Variants in SH3BP2 observed in about 807,000 individuals in gnomAD.
SH3BP2 encodes the protein SH3 domain binding protein 2.
Under a neutral mutation model 56.2 loss-of-function variants are expected in SH3BP2, and 38 were observed. That is an observed-to-expected ratio of 0.68 (90% confidence interval 0.52 to 0.89). SH3BP2 has a LOEUF of 0.89. SH3BP2 is among the 40% of genes least tolerant of loss of function. SH3BP2 has a pLI of 0.00. For synonymous variants in SH3BP2, 346 were observed against 316.7 expected, an observed-to-expected ratio of 1.09 and a Z score of -0.98; for missense variants, 748 against 762.6, an observed-to-expected ratio of 0.98 and a Z score of 0.23.
At chr4:2,803,984 G>C (rs1161672161) in intron 1 of SH3BP2, among the ~76,000 whole-genome samples, 1 of 152,134 alleles carries the variant, frequency 6.6e-6, no homozygotes, top group African/African-American at 2.4e-5. Flanking sequence ...TGCCTCCCCT[G>C]TGCCCGATAC....
At chr4:2,833,177 C>A in intron 12 of SH3BP2, 128 bp downstream of exon 12, 2 of 827,418 alleles carry the variant, frequency 2.4e-6, no homozygotes, top group Admixed American at 3.8e-5. Flanking sequence ...CCGCCCTCCC[C>A]TTCCCCTCCA....
intron 1 of SH3BP2, among the ~76,000 whole-genome samples, chr4:2,797,787 T>A (rs1723111278): frequency 6.6e-6 from 1 of 152,070 alleles, no homozygotes; most frequent in Admixed American, 6.5e-5. Context: ...CGTGGGCCTG[T>A]CCCAGAGGAA....
Position 2,831,493 on chromosome 4 carries a change from A to C in SH3BP2, c.1242-78A>C, listed in dbSNP as rs1202068541. The C allele has an allele frequency of 9.6e-7, 1 of 1,038,826 alleles. No individual in the cohort carries two copies. Among genetic ancestry groups the C allele is most frequent in the Non-Finnish European group, 1.5e-6 (1 of 679,592 alleles). The allele number at this position is 1,038,826 out of a possible 1,614,324, so 64.4% of individuals were successfully genotyped here. A position where few individuals can be genotyped will look rare whatever the true frequency, so the allele number is the denominator to read the frequency against. ...CTTGCCGTCCTCACACAGAGGGTGG[A>C]GTGGGGAGGGGAGCAGAGGGTGGCC... On this transcript the variant is annotated intron_variant, in intron 8 of 12. Transcript: ENST00000503393. This position sits in a 1 kb window ranked among gnomAD's most constrained non-coding sequence, Gnocchi z 4.1.
chr4:2,796,439 G>C (rs1397905556), intron 1 of SH3BP2: 1 of 985,422 alleles, frequency 1.0e-6, no homozygotes. Flanking sequence ...CCCGATCACA[G>C]ATCGTGCTGG....
chr4:2,840,872 TA>T lies in SH3BP2; in HGVS notation c.*7040del, dbSNP rs1400776475. Reference sequence around the variant, plus strand: ...CCTCTCTTTCCATTTGGGTCTTCTTTAAGGTTTACCAATAGGATTTTATATT... The same window carrying T: ...CCTCTCTTTCCATTTGGGTCTTCTTTAGGTTTACCAATAGGATTTTATATT... On this transcript the variant is annotated 3_prime_UTR_variant, in exon 13 of 13. Transcript: ENST00000503393. The T allele has an allele frequency of 6.6e-6, 1 of 152,250 alleles. No homozygotes were observed. Among genetic ancestry groups the T allele is most frequent in the Admixed American group, 6.5e-5 (1 of 15,284 alleles). The allele number at this position is 152,250 out of a possible 1,614,324, so 9.4% of individuals were successfully genotyped here.
At position 2,832,385 on chromosome 4, in the gene SH3BP2, C is replaced by T. The variant is rs1278262490; in HGVS notation, c.1461C>T (p.Ile487=). 12 of 1,614,112 alleles carry T rather than the reference C, an allele frequency of 7.4e-6. No individual in the cohort carries two copies. In the Middle Eastern group the frequency reaches 5.0e-4, roughly 67 times the overall value. The change falls in exon 11 of 13, where the codon ATC becomes ATT. Residue 487 remains isoleucine (I), a synonymous_variant. Coordinates refer to ENST00000503393, the MANE Select transcript of SH3BP2 (RefSeq NM_001122681.2). ...AGCCCCAGGATGGACTCTACTGCATCCGGAACTCCTCTACCAAGTCGGGGA... is the reference window on the plus strand; with the variant it reads ...AGCCCCAGGATGGACTCTACTGCATTCGGAACTCCTCTACCAAGTCGGGGA... ...RGEPQDGLYC[I]RNSSTKSGKV...
chr4:2,823,913 G>A (rs1490585930), intron 3 of SH3BP2, among the ~76,000 whole-genome samples: 3 of 152,180 alleles, frequency 2.0e-5, no homozygotes, highest in South Asian at 4.1e-4. Flanking sequence ...ACAGAGCTCC[G>A]GGGTCCCCTG....
intron 1 of SH3BP2, among the ~76,000 whole-genome samples, chr4:2,799,958 A>G (rs1723193879): frequency 1.3e-5 from 2 of 151,370 alleles, no homozygotes; most frequent in African/African-American, 4.9e-5. Context: ...TTTCAAGCTT[A>G]CTCTGGGGTC....
chr4:2,801,112 G>A (rs373775279), intron 1 of SH3BP2, among the ~76,000 whole-genome samples: 21 of 152,310 alleles, frequency 1.4e-4, no homozygotes, highest in Admixed American at 1.2e-3. Context: ...TGTCTTGACC[G>A]CGGAGGACCG....
At position 2,830,211 on chromosome 4, in the gene SH3BP2, C is replaced by T. The variant is rs576964036; in HGVS notation, c.1241+64C>T. 1.7e-5 allele frequency: 25 copies of T among 1,464,148 alleles called. 3 individuals are homozygous for T. Among genetic ancestry groups the T allele is most frequent in the African/African-American group, 1.1e-4 (8 of 71,712 alleles). 90.7% of individuals were successfully genotyped at this position (1,464,148 alleles called of 1,614,324 possible). Reference sequence around the variant, plus strand: ...ACAGGGACCCTGGCCTGGCCTCTGACGGGCACTCTGCCCACCTCGCTCCCC... The same window carrying T: ...ACAGGGACCCTGGCCTGGCCTCTGATGGGCACTCTGCCCACCTCGCTCCCC... On this transcript the variant is annotated intron_variant, in intron 8 of 12. Coordinates refer to ENST00000503393, the MANE Select transcript of SH3BP2 (RefSeq NM_001122681.2).
chr4:2,822,870 C>T (rs1724383425), intron 2 of SH3BP2, 65 bp from the exon 3 acceptor site: 1 of 1,251,570 alleles, frequency 8.0e-7, no homozygotes, highest in African/African-American at 1.5e-5. Flanking sequence ...TGTGGAGGGT[C>T]CTCACAGTGG....
At chr4:2,804,247 C>T (rs1723440324) in intron 1 of SH3BP2, among the ~76,000 whole-genome samples, 1 of 152,330 alleles carries the variant, frequency 6.6e-6, no homozygotes, top group Non-Finnish European at 1.5e-5. Context: ...TGGACCCCGC[C>T]CTCTGTGCAG....
intron 1 of SH3BP2, among the ~76,000 whole-genome samples, chr4:2,807,955 C>G (rs1004497075): frequency 7.9e-5 from 12 of 152,188 alleles, no homozygotes; most frequent in Admixed American, 7.8e-4. Flanking sequence ...TGGAGCCTGT[C>G]TCTCCCTGAC....
At position 2,824,843 on chromosome 4, in the gene SH3BP2, C is replaced by T. The variant is rs1303994177; in HGVS notation, c.357+113C>T. ...TCCTGGGGCGCTGGCCTCTCAGCCC[C>T]GGGCAAAGAGAAGGTGTGGCTGGGA... On this transcript the variant is annotated intron_variant, in intron 4 of 12. Coordinates refer to ENST00000503393, the MANE Select transcript of SH3BP2 (RefSeq NM_001122681.2). 91 of 850,714 alleles carry T rather than the reference C, an allele frequency of 1.1e-4. 1 individual carries two copies. The South Asian group carries it at 1.2e-3, about 11-fold the overall frequency. 52.7% of individuals were successfully genotyped at this position (850,714 alleles called of 1,614,324 possible). A position where few individuals can be genotyped will look rare whatever the true frequency, so the allele number is the denominator to read the frequency against.
intron 1 of SH3BP2, among the ~76,000 whole-genome samples, chr4:2,803,466 C>T (rs548794722): frequency 3.4e-4 from 52 of 152,300 alleles, no homozygotes; most frequent in African/African-American, 1.2e-3. Flanking sequence ...CTGGTTTGGT[C>T]CTCAGAGTCC....
At chr4:2,824,762 G>A in intron 4 of SH3BP2, 32 bp downstream of exon 4, 1 of 1,513,920 alleles carries the variant, frequency 6.6e-7, no homozygotes, top group Non-Finnish European at 9.2e-7. Flanking sequence ...AGTGCAAGGT[G>A]ACTGGGGGTG....
chr4:2,838,803 G>C lies in SH3BP2; in HGVS notation c.*4969G>C, dbSNP rs1725320353. ...GTTTGGGGTAACTACACACAATGCT[G>C]CTAGCAACAGTTTTGTCCATGTCTC... On this transcript the variant is annotated 3_prime_UTR_variant, in exon 13 of 13. Coordinates refer to ENST00000503393, the MANE Select transcript of SH3BP2 (RefSeq NM_001122681.2). 6.6e-6 allele frequency: 1 copy of C among 152,134 alleles called. No individual in the cohort carries two copies. Among genetic ancestry groups the C allele is most frequent in the Non-Finnish European group, 1.5e-5 (1 of 68,026 alleles). 9.4% of individuals were successfully genotyped at this position (152,134 alleles called of 1,614,324 possible). A position where few individuals can be genotyped will look rare whatever the true frequency, so the allele number is the denominator to read the frequency against.
At chr4:2,803,747 C>G (rs557784566) in intron 1 of SH3BP2, among the ~76,000 whole-genome samples, 1 of 152,302 alleles carries the variant, frequency 6.6e-6, no homozygotes, top group East Asian at 1.9e-4. Context: ...TTTGCACAAG[C>G]TATGCTCTGT....
chr4:2,834,042 G>C lies in SH3BP2; in HGVS notation c.*208G>C. 1 of 610,654 alleles carries C rather than the reference G, an allele frequency of 1.6e-6. No individual in the cohort carries two copies. The highest frequency in any genetic ancestry group is 2.8e-5 in the East Asian group (1 of 35,744). 37.8% of individuals were successfully genotyped at this position (610,654 alleles called of 1,614,324 possible). A position where few individuals can be genotyped will look rare whatever the true frequency, so the allele number is the denominator to read the frequency against. On this transcript the variant is annotated 3_prime_UTR_variant, in exon 13 of 13. Transcript: ENST00000503393. ...AACCAGGCGCCAGGCTCCAGAGGAC[G>C]AAGGGACTCTGTTGCCCCACACTAA...
Sources: allele counts gnomAD v4.1 joint callset (sites outside exome capture counted in the v4.1 genomes callset), GRCh38; gene constraint gnomAD v4.1.1; non-coding constraint Gnocchi (gnomAD v3.1); transcripts MANE v1.5; gene names NCBI Gene and HGNC (gene_info 2026-07-23, HGNC 2026-07-21).